The following PTPRA variants were observed in gnomAD, a reference collection of about 807,000 sequenced individuals.
PTPRA encodes the protein protein tyrosine phosphatase receptor type A.
Under a neutral mutation model 104.8 loss-of-function variants are expected in PTPRA, and 25 were observed. The observed-to-expected ratio is 0.24, with a 90% CI of 0.17 to 0.33. The LOEUF (loss-of-function observed/expected upper bound fraction) is 0.33. Ranked by LOEUF, PTPRA falls within the 10% of genes least tolerant of loss-of-function variation. The pLI is 1.00. For synonymous variants in PTPRA, 323 were observed against 368.9 expected (o/e 0.88, Z 1.43); for missense variants, 765 against 1,015.3 (o/e 0.75, Z 3.35).
rs538809821 is a variant in PTPRA at position 3,033,179 on chromosome 20, G to A, written c.1921-2406G>A. Among the ~76,000 whole-genome samples the A allele has an allele frequency of 3.0e-4, 46 of 151,950 alleles. 2 individuals carry two copies. The highest frequency in any genetic ancestry group is 5.2e-4 in the Admixed American group (8 of 15,264). On this transcript the variant is annotated intron_variant, in intron 20 of 23. Transcript: ENST00000399903. The stretch of plus-strand genomic sequence containing the variant: ...CATATGCCAGGGATCCTCAATCTGC[G>A]TCTCTAGGCCAGTCACCTGTCCCCC...
At chr20:3,003,447 A>T (rs1313995881) in intron 9 of PTPRA, among the ~76,000 whole-genome samples, 1 of 152,314 alleles carries the variant, frequency 6.6e-6, no homozygotes, top group East Asian at 1.9e-4. Flanking sequence ...TAGGCCAAAA[A>T]GTATTTTTGA....
chr20:2,893,735 T>G lies in PTPRA; in HGVS notation c.-129+19975T>G, dbSNP rs144833051. 6.8e-3 allele frequency among the ~76,000 whole-genome samples: 1,040 copies of G among 152,282 alleles called. 10 individuals are homozygous for G. Among genetic ancestry groups the G allele is most frequent in the South Asian group, 0.033 (157 of 4,826 alleles). On this transcript the variant is annotated intron_variant, in intron 1 of 23. Transcript: ENST00000399903. ...TGAAGGACAGCCCAGAACCATTTCC[T>G]TCTTGGCACATGACCTTCTAACCCA...
intron 1 of PTPRA, among the ~76,000 whole-genome samples, chr20:2,902,090 G>C (rs1235851887): frequency 1.3e-5 from 2 of 151,990 alleles, no homozygotes; most frequent in African/African-American, 4.8e-5. Flanking sequence ...TCACCATGTT[G>C]GTCAGGCTGG....
intron 11 of PTPRA, among the ~76,000 whole-genome samples, chr20:3,014,374 A>C (rs1259545651): frequency 1.3e-5 from 2 of 151,762 alleles, no homozygotes; most frequent in Non-Finnish European, 2.9e-5. Context: ...ACGGTGGCTC[A>C]CACCTGTAAT....
chr20:2,866,361 G>A, the PTPRA span: 1 of 1,614,116 alleles, frequency 6.2e-7, no homozygotes. Flanking sequence ...TGAGCTGTGG[G>A]CTGGTGAGAG....
At chr20:2,953,099 A>G (rs1234772397) in intron 3 of PTPRA, among the ~76,000 whole-genome samples, 3 of 152,110 alleles carry the variant, frequency 2.0e-5, no homozygotes, top group Non-Finnish European at 4.4e-5. Context: ...ATATGTTAAT[A>G]CTGTATTTAG....
chr20:2,905,690 C>CTTTTT (rs11479039), intron 1 of PTPRA, among the ~76,000 whole-genome samples: 63 of 70,610 alleles, frequency 8.9e-4, no homozygotes, highest in African/African-American at 1.7e-3. Context: ...TCATAAAATT[C>CTTTTT]TTTTTTTTTT....
intron 20 of PTPRA, among the ~76,000 whole-genome samples, chr20:3,030,789 G>C (rs1454570013): frequency 1.4e-5 from 2 of 140,998 alleles, no homozygotes; most frequent in African/African-American, 5.3e-5. Context: ...GGGTTCAAGT[G>C]ATTCTCCCAC....
intron 1 of PTPRA, among the ~76,000 whole-genome samples, chr20:2,896,844 A>G (rs778480988): frequency 8.5e-5 from 13 of 152,194 alleles, no homozygotes; most frequent in Non-Finnish European, 1.8e-4. Flanking sequence ...GGGACCATTC[A>G]GGATTATGCC....
intron 2 of PTPRA, among the ~76,000 whole-genome samples, chr20:2,925,042 G>C (rs2060245254): frequency 6.6e-6 from 1 of 152,114 alleles, no homozygotes; most frequent in South Asian, 2.1e-4. Flanking sequence ...ATATATATAA[G>C]ATTAAATTTA....
chr20:2,881,095 T>C (rs1014951069), intron 1 of PTPRA, among the ~76,000 whole-genome samples: 5 of 150,884 alleles, frequency 3.3e-5, no homozygotes, highest in Non-Finnish European at 5.9e-5. Context: ...GATCACAAGG[T>C]CAAGAGATCG....
chr20:2,919,639 C>T (rs2060031640), intron 1 of PTPRA, among the ~76,000 whole-genome samples: 1 of 151,106 alleles, frequency 6.6e-6, no homozygotes, highest in South Asian at 2.1e-4. Flanking sequence ...CACTCACTCT[C>T]AAGGATCTTA....
intron 2 of PTPRA, among the ~76,000 whole-genome samples, chr20:2,927,074 T>C (rs2147440842): frequency 6.6e-6 from 1 of 151,882 alleles, no homozygotes; most frequent in African/African-American, 2.4e-5. Flanking sequence ...TACAGGCATA[T>C]GCCACCACAC....
chr20:2,997,338 T>C (rs2063441207), intron 9 of PTPRA, among the ~76,000 whole-genome samples: 1 of 152,202 alleles, frequency 6.6e-6, no homozygotes, highest in Non-Finnish European at 1.5e-5. Context: ...ATATTCTTTT[T>C]ATAATATTTT....
intron 2 of PTPRA, among the ~76,000 whole-genome samples, chr20:2,935,635 C>T (rs2060669115): frequency 6.6e-6 from 1 of 151,970 alleles, no homozygotes; most frequent in Admixed American, 6.5e-5. Flanking sequence ...CACAGTTCTG[C>T]AATCATAACT....
chr20:2,868,631 T>G (rs1256586114), upstream of PTPRA, among the ~76,000 whole-genome samples: 1 of 135,892 alleles, frequency 7.4e-6, no homozygotes, highest in Non-Finnish European at 1.6e-5. Context: ...TTTTTTTTTT[T>G]TTTTTTTTTT....
At chr20:2,951,245 G>A (rs1178814885) in intron 3 of PTPRA, among the ~76,000 whole-genome samples, 9 of 152,018 alleles carry the variant, frequency 5.9e-5, no homozygotes, top group South Asian at 2.1e-4. Context: ...GACTCCAGGC[G>A]TGCCCGCCAC....
In PTPRA at chr20:3,035,612, G is replaced by T. The variant is rs775709506; in HGVS notation, c.1948G>T (p.Asp650Tyr). Residue 650 changes from aspartate (D) to tyrosine (Y), a missense_variant, in exon 21 of 24, where the codon GAT (aspartate) becomes TAT (tyrosine). By Grantham distance (160) the Asp-to-Tyr change is radical. This residue lies in a region of PTPRA where 192 missense variants were observed against 227.0 expected (regional missense o/e 0.85). Transcript: ENST00000399903. This position sits in a 1 kb window ranked among gnomAD's most constrained non-coding sequence, Gnocchi z 5.8. ...QEKCAQYWPS[D>Y]GLVSYGDITV... ...GAAGTGTGCCCAGTACTGGCCATCT[G>T]ATGGACTGGTGTCCTATGGAGATAT... 1 of 1,613,166 alleles carries T rather than the reference G, an allele frequency of 6.2e-7. No homozygotes were observed. The highest frequency in any genetic ancestry group is 1.1e-5 in the South Asian group (1 of 91,040).
chr20:2,937,204 A>G (rs1265388223), intron 2 of PTPRA, among the ~76,000 whole-genome samples: 1 of 150,488 alleles, frequency 6.6e-6, no homozygotes, highest in African/African-American at 2.5e-5. Flanking sequence ...GCTCATTGCA[A>G]TCTCCACCTC....
Sources: allele counts gnomAD v4.1 joint callset (sites outside exome capture counted in the v4.1 genomes callset), GRCh38; gene constraint gnomAD v4.1.1; regional missense constraint gnomAD v4.1.1; non-coding constraint Gnocchi (gnomAD v3.1); transcripts MANE v1.5; gene names NCBI Gene and HGNC (gene_info 2026-07-23, HGNC 2026-07-21).